The following DDX59 variants were observed in gnomAD, a reference collection of about 807,000 sequenced individuals.
DDX59 encodes the protein DEAD-box helicase 59, also known as probable ATP-dependent RNA helicase DDX59.
Under a neutral mutation model 51.9 loss-of-function variants are expected in DDX59, and 30 were observed. That is an observed-to-expected ratio of 0.58 (90% CI 0.43 to 0.78). The LOEUF (loss-of-function observed/expected upper bound fraction) is 0.78. Among genes scored for constraint, DDX59 ranks in the 30% least tolerant of loss-of-function variants. The pLI, the probability that DDX59 is intolerant of heterozygous loss-of-function variation, is 0.00. For synonymous variants in DDX59, 255 were observed against 253.3 expected, an observed-to-expected ratio of 1.01 and a Z score of -0.06; for missense variants, 672 against 730.8, an observed-to-expected ratio of 0.92 and a Z score of 0.93.
intron 1 of DDX59, among the ~76,000 whole-genome samples, chr1:200,668,450 T>C (rs1343624734): frequency 1.3e-5 from 2 of 152,184 alleles, no homozygotes; most frequent in African/African-American, 2.4e-5. Flanking sequence ...CTTACCCAAA[T>C]TCCTTTCTAA....
At chr1:200,662,938 A>G (rs1424538113) in intron 3 of DDX59, among the ~76,000 whole-genome samples, 3 of 152,198 alleles carry the variant, frequency 2.0e-5, no homozygotes, top group Middle Eastern at 3.2e-3. Flanking sequence ...CTGGAGGTCC[A>G]CCTTAAAAAA....
At chr1:200,668,974 G>C (rs915049086) in intron 1 of DDX59, among the ~76,000 whole-genome samples, 1 of 152,044 alleles carries the variant, frequency 6.6e-6, no homozygotes, top group Admixed American at 6.6e-5. Flanking sequence ...GATGTCTCAC[G>C]CCTTCCTAAA....
chr1:200,641,221 A>C (rs181616119), downstream of DDX59: 550 of 1,304,780 alleles, frequency 4.2e-4, no homozygotes, highest in East Asian at 7.3e-3. Context: ...CGTTGATATT[A>C]ATTCCAGAGA....
chr1:200,660,800 A>G (rs1258486574), intron 3 of DDX59, among the ~76,000 whole-genome samples: 3 of 152,126 alleles, frequency 2.0e-5, no homozygotes, highest in Non-Finnish European at 4.4e-5. Context: ...AAACATACCA[A>G]TTTCAACCAA....
chr1:200,665,480 T>A (rs1290343383), intron 2 of DDX59, among the ~76,000 whole-genome samples: 2 of 138,458 alleles, frequency 1.4e-5, no homozygotes, highest in African/African-American at 2.7e-5. Context: ...TGAAACTCGG[T>A]CCCAAAAAAA....
intron 2 of DDX59, among the ~76,000 whole-genome samples, chr1:200,664,839 C>T (rs995426132): frequency 1.3e-5 from 2 of 152,146 alleles, no homozygotes; most frequent in South Asian, 2.1e-4. Flanking sequence ...TCATGCCCGG[C>T]TAATTTTGTA....
intron 5 of DDX59, among the ~76,000 whole-genome samples, chr1:200,649,716 G>A (rs1267922213): frequency 1.3e-5 from 2 of 151,200 alleles, no homozygotes; most frequent in Non-Finnish European, 2.9e-5. Flanking sequence ...ACAAACAGAA[G>A]CCAGTCTATT....
downstream of DDX59, chr1:200,644,003 G>A (rs1467491901): frequency 2.5e-6 from 1 of 392,542 alleles, no homozygotes; most frequent in East Asian, 1.4e-4. Context: ...TAGCTCTGAG[G>A]ACTGTTTATT....
rs905661039 is a variant in DDX59, at chr1:200,666,280, G to A, written c.461C>T (p.Ala154Val). ...EKSKLSNPQK[A>V]DSEPESPLNA... The stretch of plus-strand genomic sequence containing the variant: ...CAGTGGAGACTCTGGCTCAGAATCA[G>A]CCTTCTGTGGATTGCTGAGTTTTGA... The change falls in exon 2 of 8, where the codon GCT becomes GTT. Residue 154 changes from alanine to valine, a missense_variant. By Grantham distance (64) the Ala-to-Val change is moderately conservative (BLOSUM62 0). Transcript: ENST00000331314. The A allele has an allele frequency of 1.3e-5, 21 of 1,614,090 alleles. No homozygotes were observed. Among genetic ancestry groups the A allele is most frequent in the Non-Finnish European group, 1.5e-5 (18 of 1,180,048 alleles).
In DDX59 at chr1:200,659,136, C is replaced by T; in HGVS notation, c.973-20G>A. 2 of 1,580,816 alleles carry T rather than the reference C, an allele frequency of 1.3e-6. No homozygotes were observed. The highest frequency in any genetic ancestry group is 8.7e-7 in the Non-Finnish European group (1 of 1,154,622). On this transcript the variant is annotated intron_variant, in intron 3 of 7. Coordinates refer to ENST00000331314, the MANE Select transcript of DDX59 (RefSeq NM_001031725.6). ...GATAACCTAAATAAAAGAGAAAAAG[C>T]AAATTAAAAAAATCAGTAATAGCTA...
At position 200,664,017 on chromosome 1, in the gene DDX59, T is replaced by A. The variant is rs773000649; in HGVS notation, c.874A>T (p.Lys292Ter). ...ELAIQIERQAKELMSGLPRMK... is the reference protein window; with the variant it reads ...ELAIQIERQA ...CGTGGCAGGCCACTCATCAATTCTT[T>A]AGCTTGTCTCTCTATCTGAATGGCT... Residue 292 changes from lysine to a stop codon, truncating the protein, a stop_gained, in exon 3 of 8, where the codon AAA (lysine) becomes TAA (stop). Coordinates refer to ENST00000331314, the MANE Select transcript of DDX59 (RefSeq NM_001031725.6). LOFTEE classifies it high-confidence loss of function. 1 of 1,614,226 alleles carries A rather than the reference T, an allele frequency of 6.2e-7. No homozygotes were observed. The highest frequency in any genetic ancestry group is 1.1e-5 in the South Asian group (1 of 91,080).
chr1:200,641,030 GTCA>G, downstream of DDX59: 1 of 440,944 alleles, frequency 2.3e-6, no homozygotes, highest in Non-Finnish European at 4.3e-6. Flanking sequence ...AGCCTCTGAG[GTCA>G]TTGTAAGTAT....
intron 4 of DDX59, among the ~76,000 whole-genome samples, chr1:200,653,234 G>A (rs749532694): frequency 6.6e-6 from 1 of 152,148 alleles, no homozygotes; most frequent in African/African-American, 2.4e-5. Flanking sequence ...ACTATCTGCC[G>A]ACTTAACATC....
Position 200,669,895 on chromosome 1 carries a change from T to TGCGGGGCGGGGCGGAGCGGAGCGGA in DDX59, c.-141_-140insTCCGCTCCGCTCCGCCCCGCCCCGC, listed in dbSNP as rs141196498. ...CAGGACTGCGGCCCGGGGTTGGTGG[T>TGCGGGGCGGGGCGGAGCGGAGCGGA]GCGGAGCGGAGCGGAGCGGAGCGTA... On this transcript the variant is annotated 5_prime_UTR_variant, in exon 1 of 8. Coordinates refer to ENST00000331314, the MANE Select transcript of DDX59 (RefSeq NM_001031725.6). 8.2e-6 allele frequency: 1 copy of TGCGGGGCGGGGCGGAGCGGAGCGGA among 122,182 alleles called. No homozygotes were observed. Among genetic ancestry groups the TGCGGGGCGGGGCGGAGCGGAGCGGA allele is most frequent in the African/African-American group, 2.7e-5 (1 of 37,258 alleles). 7.6% of individuals were successfully genotyped at this position (122,182 alleles called of 1,614,324 possible).
At chr1:200,642,862 C>T (rs1348784884), downstream of DDX59, among the ~76,000 whole-genome samples, 3 of 151,956 alleles carry the variant, frequency 2.0e-5, no homozygotes, top group Non-Finnish European at 4.4e-5. Flanking sequence ...CCACAATGAC[C>T]GACGCAATAA....
intron 4 of DDX59, 94 bp downstream of exon 4, chr1:200,658,933 A>C: frequency 1.8e-6 from 2 of 1,081,622 alleles, no homozygotes; most frequent in Non-Finnish European, 2.7e-6. Context: ...TTTGAGAGAG[A>C]GAAAAGGTAC....
At chr1:200,656,109 C>T (rs1662006000) in intron 4 of DDX59, among the ~76,000 whole-genome samples, 1 of 152,182 alleles carries the variant, frequency 6.6e-6, no homozygotes, top group Admixed American at 6.5e-5. Context: ...GGATTACAGG[C>T]GTGAGCCAAC....
chr1:200,659,860 T>A (rs115409364), intron 3 of DDX59, among the ~76,000 whole-genome samples: 1 of 152,030 alleles, frequency 6.6e-6, no homozygotes, highest in Non-Finnish European at 1.5e-5. Flanking sequence ...TAATTTTTTG[T>A]TTTTTTGCAG....
At chr1:200,662,809 C>T (rs1017570961) in intron 3 of DDX59, among the ~76,000 whole-genome samples, 1 of 152,176 alleles carries the variant, frequency 6.6e-6, no homozygotes, top group Non-Finnish European at 1.5e-5. Flanking sequence ...TGCAGTTAAA[C>T]TCCATTAACC....
Sources: allele counts gnomAD v4.1 joint callset (sites outside exome capture counted in the v4.1 genomes callset), GRCh38; gene constraint gnomAD v4.1.1; transcripts MANE v1.5; gene names NCBI Gene and HGNC (gene_info 2026-07-23, HGNC 2026-07-21).